Variants in THEMIS observed in about 807,000 individuals in gnomAD.
THEMIS encodes protein THEMIS.
THEMIS carries 37 observed loss-of-function variants against 52.6 expected under a neutral mutation model. The ratio of observed to expected loss-of-function variants is 0.70; its 90% CI spans 0.54 to 0.93. THEMIS has a LOEUF of 0.93. Ranked by LOEUF, THEMIS falls within the 40% of genes least tolerant of loss-of-function variation. The probability of loss-of-function intolerance (pLI) is 0.00; values close to 1 mark genes in which losing one functional copy is unlikely to be tolerated. For synonymous variants in THEMIS, 292 were observed against 272.7 expected (o/e 1.07, Z -0.70); for missense variants, 808 against 763.1 (o/e 1.06, Z -0.69).
At chr6:127,857,139 T>C (rs543935536) in intron 1 of THEMIS, among the ~76,000 whole-genome samples, 4 of 151,844 alleles carry the variant, frequency 2.6e-5, no homozygotes, top group Non-Finnish European at 5.9e-5. Flanking sequence ...CATTATTCAT[T>C]CCCCCCAGAA....
At chr6:127,857,351 G>C (rs935250098) in intron 1 of THEMIS, among the ~76,000 whole-genome samples, 1 of 151,962 alleles carries the variant, frequency 6.6e-6, no homozygotes, top group African/African-American at 2.4e-5. Flanking sequence ...AGGACACCAG[G>C]ACAGGCAGAG....
At chr6:127,915,288 A>G (rs1781497858) in intron 1 of THEMIS, among the ~76,000 whole-genome samples, 1 of 152,234 alleles carries the variant, frequency 6.6e-6, no homozygotes, top group Admixed American at 6.5e-5. Context: ...ACTAGGCTAA[A>G]GAACATACAT....
At chr6:127,722,865 G>A (rs1016980727) in intron 4 of THEMIS, among the ~76,000 whole-genome samples, 3 of 151,922 alleles carry the variant, frequency 2.0e-5, no homozygotes, top group South Asian at 2.1e-4. Flanking sequence ...CCTCAGCATC[G>A]CTATGATCTT....
At chr6:127,765,805 G>T (rs992095213) in intron 4 of THEMIS, among the ~76,000 whole-genome samples, 1 of 151,998 alleles carries the variant, frequency 6.6e-6, no homozygotes, top group Non-Finnish European at 1.5e-5. Flanking sequence ...TGTGTAGTAG[G>T]CTATACCATC....
chr6:127,901,446 C>A (rs985870347), upstream of THEMIS, among the ~76,000 whole-genome samples: 2 of 151,998 alleles, frequency 1.3e-5, no homozygotes, highest in Non-Finnish European at 2.9e-5. Context: ...ACTGTCAGTG[C>A]CTTTACATTA....
chr6:127,718,633 G>A (rs1432959114), intron 5 of THEMIS, among the ~76,000 whole-genome samples: 1 of 151,904 alleles, frequency 6.6e-6, no homozygotes, highest in African/African-American at 2.4e-5. Flanking sequence ...ATTAATAATG[G>A]CTTGAGACTC....
At chr6:127,799,443 T>C (rs534001169) in intron 4 of THEMIS, among the ~76,000 whole-genome samples, 2 of 152,292 alleles carry the variant, frequency 1.3e-5, no homozygotes, top group Admixed American at 1.3e-4. Flanking sequence ...TTCCTACATA[T>C]TTGGTTTAGG....
chr6:127,835,419 A>G (rs1476629281), intron 2 of THEMIS, among the ~76,000 whole-genome samples: 1 of 152,196 alleles, frequency 6.6e-6, no homozygotes, highest in African/African-American at 2.4e-5. Flanking sequence ...CAGGGCTACA[A>G]TTTCATTTTT....
upstream of THEMIS, among the ~76,000 whole-genome samples, chr6:127,904,902 G>A (rs894879652): frequency 2.0e-5 from 3 of 152,016 alleles, no homozygotes; most frequent in African/African-American, 7.2e-5. Context: ...AGAGAGGATT[G>A]TTGAACTGGA....
At chr6:127,713,628 A>C (rs586500) in intron 5 of THEMIS, among the ~76,000 whole-genome samples, 71,340 of 151,680 alleles carry the variant, frequency 0.47, 18,039 homozygotes, top group Non-Finnish European at 0.58. Context: ...ATAAGGTGAT[A>C]ACTAAGAAGG....
At chr6:127,719,155 A>C (rs959308077) in intron 5 of THEMIS, among the ~76,000 whole-genome samples, 3 of 151,914 alleles carry the variant, frequency 2.0e-5, no homozygotes, top group African/African-American at 7.2e-5. Flanking sequence ...AATTTCTGCC[A>C]TATGGAAGTT....
chr6:127,838,293 C>T (rs1778936225), intron 2 of THEMIS, among the ~76,000 whole-genome samples: 2 of 152,028 alleles, frequency 1.3e-5, no homozygotes, highest in African/African-American at 4.8e-5. Context: ...TTCATAAATG[C>T]AAAAGCTTAG....
rs145694931 is a variant in THEMIS, at chr6:127,745,320, C to A, written c.1759-25497G>T. Reference sequence around the variant, plus strand: ...ATGCTTTATAGAGAAAAATTAGAAACAACCATTAAATTGACAATCAAAATG... The same window carrying A: ...ATGCTTTATAGAGAAAAATTAGAAAAAACCATTAAATTGACAATCAAAATG... On this transcript the variant is annotated intron_variant, in intron 4 of 5. Coordinates refer to ENST00000368248, the MANE Select transcript of THEMIS (RefSeq NM_001010923.3). Among the ~76,000 whole-genome samples, 6 of 151,868 alleles carry A rather than the reference C, an allele frequency of 4.0e-5. No individual in the cohort carries two copies. The East Asian group carries it at 1.2e-3, about 29-fold the overall frequency.
chr6:127,908,933 C>A (rs1408687955), intron 1 of THEMIS, among the ~76,000 whole-genome samples: 3 of 151,794 alleles, frequency 2.0e-5, no homozygotes, highest in Admixed American at 6.6e-5. Flanking sequence ...AAAAGTAGAG[C>A]TTAAAACATT....
chr6:127,720,584 T>A (rs959456178), intron 4 of THEMIS, among the ~76,000 whole-genome samples: 7 of 151,978 alleles, frequency 4.6e-5, no homozygotes, highest in Non-Finnish European at 1.0e-4. Context: ...GTGAAGATTC[T>A]CAGCGTAAAT....
At chr6:127,713,717 A>G (rs1774062551) in intron 5 of THEMIS, among the ~76,000 whole-genome samples, 1 of 151,878 alleles carries the variant, frequency 6.6e-6, no homozygotes, top group Non-Finnish European at 1.5e-5. Flanking sequence ...CCATTTAGAT[A>G]AAATAGTCTG....
intron 1 of THEMIS, among the ~76,000 whole-genome samples, chr6:127,861,134 C>G (rs1376629495): frequency 6.6e-6 from 1 of 152,102 alleles, no homozygotes. Flanking sequence ...TAAATAATAT[C>G]ATAATTTCAT....
intron 1 of THEMIS, among the ~76,000 whole-genome samples, chr6:127,914,948 C>T (rs983262679): frequency 2.0e-5 from 3 of 152,138 alleles, no homozygotes; most frequent in African/African-American, 4.8e-5. Flanking sequence ...CACACTTTGA[C>T]CTGATTTTAC....
downstream of THEMIS, among the ~76,000 whole-genome samples, chr6:127,707,301 A>T (rs1399221855): frequency 6.6e-6 from 1 of 152,144 alleles, no homozygotes; most frequent in Admixed American, 6.5e-5. Context: ...GAGCAAAACG[A>T]ATAGGAAGAG....
Sources: allele counts gnomAD v4.1 joint callset (sites outside exome capture counted in the v4.1 genomes callset), GRCh38; gene constraint gnomAD v4.1.1; transcripts MANE v1.5; gene names NCBI Gene and HGNC (gene_info 2026-07-23, HGNC 2026-07-21).